Variants in CCDC30 observed in about 807,000 individuals in gnomAD.
CCDC30 encodes the protein coiled-coil domain containing 30.
A neutral mutation model predicts 100.2 loss-of-function variants in CCDC30; 70 were observed. That is an observed-to-expected ratio of 0.70 (90% CI 0.58 to 0.85). The LOEUF (loss-of-function observed/expected upper bound fraction) is 0.85. Ranked by LOEUF, CCDC30 falls within the 40% of genes least tolerant of loss-of-function variation. The pLI is 0.00. For missense variants in CCDC30, 652 were observed against 771.2 expected (o/e 0.85, Z 1.83); for synonymous variants, 233 against 269.5 (o/e 0.86, Z 1.33).
At chr1:42,458,432 G>T (rs1267161700), upstream of CCDC30, among the ~76,000 whole-genome samples, 2 of 152,136 alleles carry the variant, frequency 1.3e-5, no homozygotes, top group African/African-American at 4.8e-5. Flanking sequence ...TATCTGTGGG[G>T]CATTTGCCGA....
At chr1:42,603,114 T>C (rs1646436714) in intron 10 of CCDC30, among the ~76,000 whole-genome samples, 1 of 152,200 alleles carries the variant, frequency 6.6e-6, no homozygotes, top group Non-Finnish European at 1.5e-5. Flanking sequence ...AACAGAAATT[T>C]ATTTCTTCCA....
At chr1:42,621,552 T>C (rs1646832425) in intron 11 of CCDC30, among the ~76,000 whole-genome samples, 1 of 150,492 alleles carries the variant, frequency 6.6e-6, no homozygotes, top group South Asian at 2.1e-4. Context: ...CGCTCTGTGG[T>C]CTAGGCTGGA....
chr1:42,496,718 A>T (rs1295841923), intron 4 of CCDC30, among the ~76,000 whole-genome samples: 1 of 152,212 alleles, frequency 6.6e-6, no homozygotes, highest in African/African-American at 2.4e-5. Context: ...ACTAGGAGGT[A>T]TGTAAAAGAG....
At chr1:42,545,161 T>TA (rs1557841265) in intron 6 of CCDC30, among the ~76,000 whole-genome samples, 12 of 64,930 alleles carry the variant, frequency 1.8e-4, no homozygotes, top group South Asian at 3.8e-4. Flanking sequence ...AAAAATACCT[T>TA]TAAAAAAAAA....
chr1:42,626,386 T>A (rs542605464), intron 11 of CCDC30, among the ~76,000 whole-genome samples: 42 of 152,340 alleles, frequency 2.8e-4, no homozygotes, highest in African/African-American at 9.9e-4. Context: ...GACTTAATAC[T>A]CCTGATGTTT....
intron 14 of CCDC30, among the ~76,000 whole-genome samples, chr1:42,645,411 G>A (rs1442489833): frequency 1.3e-5 from 2 of 152,032 alleles, no homozygotes; most frequent in Non-Finnish European, 2.9e-5. Flanking sequence ...CAAATACAGA[G>A]AGATGCAGAA....
At chr1:42,609,486 A>T (rs1405387922) in intron 10 of CCDC30, among the ~76,000 whole-genome samples, 1 of 152,160 alleles carries the variant, frequency 6.6e-6, no homozygotes, top group East Asian at 1.9e-4. Flanking sequence ...CCTAACTCTC[A>T]TGTTGTTCAG....
At chr1:42,529,976 G>A (rs1644781951) in intron 6 of CCDC30, among the ~76,000 whole-genome samples, 1 of 152,224 alleles carries the variant, frequency 6.6e-6, no homozygotes, top group South Asian at 2.1e-4. Flanking sequence ...GTACCATGAT[G>A]AAATCTTACA....
intron 6 of CCDC30, among the ~76,000 whole-genome samples, chr1:42,535,588 G>A (rs1273620898): frequency 1.5e-5 from 2 of 136,084 alleles, no homozygotes; most frequent in Non-Finnish European, 3.1e-5. Context: ...GGCCGGGCAC[G>A]GTGGCTCACA....
chr1:42,492,093 G>A lies in CCDC30; in HGVS notation c.241+1864G>A, dbSNP rs556013401. 7.4e-4 allele frequency: 240 copies of A among 322,272 alleles called. 2 individuals are homozygous for A. Among genetic ancestry groups the A allele is most frequent in the African/African-American group, 4.8e-3 (220 of 45,548 alleles). The allele number at this position is 322,272 out of a possible 1,614,324, so 20.0% of individuals were successfully genotyped here. A position where few individuals can be genotyped will look rare whatever the true frequency, so the allele number is the denominator to read the frequency against. Reference sequence around the variant, plus strand: ...GGTCAAAAAATGGCAGACCATGATTGAACCTCACATTGATGTCAAGACTAC... The same window carrying A: ...GGTCAAAAAATGGCAGACCATGATTAAACCTCACATTGATGTCAAGACTAC... On this transcript the variant is annotated intron_variant, in intron 4 of 16. Transcript: ENST00000668663.
Position 42,653,826 on chromosome 1 carries a change from G to GA in CCDC30, c.1935dup (p.Gly646ArgfsTer13). On this transcript the variant is annotated frameshift_variant, in exon 17 of 17. Transcript: ENST00000668663. LOFTEE classifies it low-confidence loss of function (END_TRUNC). ...CATATGGCATTTCTTAGTTTTTCAG[G>GA]AAAAGGTTTGGTAGAGTCATTTGCA... 1 of 1,613,380 alleles carries GA rather than the reference G, an allele frequency of 6.2e-7. No homozygotes were observed. The highest frequency in any genetic ancestry group is 1.7e-5 in the Admixed American group (1 of 59,904).
intron 2 of CCDC30, among the ~76,000 whole-genome samples, chr1:42,480,955 A>T (rs1295731475): frequency 1.3e-5 from 2 of 151,870 alleles, no homozygotes; most frequent in African/African-American, 2.4e-5. Flanking sequence ...CTCAGTTTCT[A>T]TGAAAAATAA....
intron 6 of CCDC30, chr1:42,537,015 G>T: frequency 2.8e-6 from 1 of 362,180 alleles, no homozygotes; most frequent in Non-Finnish European, 5.4e-6. Context: ...TCCATATTGG[G>T]AATTAGGGTT....
chr1:42,549,645 C>A (rs896890779), intron 6 of CCDC30, among the ~76,000 whole-genome samples: 6 of 152,102 alleles, frequency 3.9e-5, no homozygotes, highest in Non-Finnish European at 8.8e-5. Flanking sequence ...GACTATGTCT[C>A]CAGTGTCTAG....
chr1:42,535,146 G>C (rs1483632977), intron 6 of CCDC30, among the ~76,000 whole-genome samples: 1 of 152,096 alleles, frequency 6.6e-6, no homozygotes, highest in Non-Finnish European at 1.5e-5. Flanking sequence ...AGAAAACCTT[G>C]CCAGGAGTAC....
intron 3 of CCDC30, among the ~76,000 whole-genome samples, chr1:42,487,004 G>A (rs1644061603): frequency 6.6e-6 from 1 of 150,920 alleles, no homozygotes; most frequent in African/African-American, 2.4e-5. Context: ...GGGCACAGTA[G>A]CACATGCTTA....
At chr1:42,646,384 G>T in intron 15 of CCDC30, 67 bp downstream of exon 19, 6 of 1,318,676 alleles carry the variant, frequency 4.6e-6, no homozygotes, top group East Asian at 3.0e-5. Context: ...CCACTGTTTG[G>T]AAAATCTCTC....
At chr1:42,642,897 A>G (rs1360504696) in intron 13 of CCDC30, among the ~76,000 whole-genome samples, 2 of 152,156 alleles carry the variant, frequency 1.3e-5, no homozygotes, top group Non-Finnish European at 2.9e-5. Flanking sequence ...GTGTGTGTTG[A>G]TCCACATTTT....
At chr1:42,538,018 A>C (rs896404190) in intron 6 of CCDC30, 1 of 148,448 alleles carries the variant, frequency 6.7e-6, no homozygotes, top group East Asian at 2.0e-4. Flanking sequence ...TCTCTTGTGG[A>C]TATATATTTT....
Sources: allele counts gnomAD v4.1 joint callset (sites outside exome capture counted in the v4.1 genomes callset), GRCh38; gene constraint gnomAD v4.1.1; transcripts MANE v1.5; gene names NCBI Gene and HGNC (gene_info 2026-07-23, HGNC 2026-07-21).